KCNIP1: variants seen among roughly 807,000 people sequenced by gnomAD.
KCNIP1 encodes potassium voltage-gated channel interacting protein 1.
A neutral mutation model predicts 33.0 loss-of-function variants in KCNIP1; 18 were observed. The observed-to-expected ratio is 0.55, with a 90% confidence interval of 0.38 to 0.81. The LOEUF is 0.81. KCNIP1 is among the 30% of genes least tolerant of loss of function. The probability of loss-of-function intolerance (pLI) is 0.00; values close to 1 mark genes in which losing one functional copy is unlikely to be tolerated. For synonymous variants in KCNIP1, 93 were observed against 98.3 expected (o/e 0.95, Z 0.32); for missense variants, 238 against 271.6 (o/e 0.88, Z 0.87).
chr5:170,435,144 G>A (rs1230115071), intron 1 of KCNIP1, among the ~76,000 whole-genome samples: 1 of 152,182 alleles, frequency 6.6e-6, no homozygotes, highest in Non-Finnish European at 1.5e-5. Flanking sequence ...AGCCGGCCCT[G>A]GCCAGTTGCA....
chr5:170,563,697 A>G (rs542178429), intron 1 of KCNIP1, among the ~76,000 whole-genome samples: 1 of 152,196 alleles, frequency 6.6e-6, no homozygotes, highest in Admixed American at 6.5e-5. Flanking sequence ...CTGGAGTGCA[A>G]TGGCACAATC....
At chr5:170,464,627 G>A (rs999057735) in intron 1 of KCNIP1, among the ~76,000 whole-genome samples, 1 of 152,298 alleles carries the variant, frequency 6.6e-6, no homozygotes, top group East Asian at 1.9e-4. Context: ...AAAGAAATAT[G>A]GGGAATTGCT....
At chr5:170,529,173 A>C (rs903892855) in intron 1 of KCNIP1, among the ~76,000 whole-genome samples, 3 of 152,166 alleles carry the variant, frequency 2.0e-5, no homozygotes, top group Non-Finnish European at 2.9e-5. Flanking sequence ...TGTCGACAAG[A>C]ACCTGTTGAT....
At chr5:170,463,552 T>C (rs1756550464) in intron 1 of KCNIP1, among the ~76,000 whole-genome samples, 1 of 151,964 alleles carries the variant, frequency 6.6e-6, no homozygotes, top group African/African-American at 2.4e-5. Context: ...CATAATTCAA[T>C]AGAAAAGAGA....
chr5:170,378,832 G>A (rs565730657), intron 1 of KCNIP1: 75 of 1,614,240 alleles, frequency 4.6e-5, no homozygotes, highest in Middle Eastern at 1.7e-4. Context: ...CCGTAGAGGC[G>A]CTGGAATAGG....
At chr5:170,621,511 A>G (rs1162939590) in intron 1 of KCNIP1, among the ~76,000 whole-genome samples, 2 of 151,876 alleles carry the variant, frequency 1.3e-5, no homozygotes, top group African/African-American at 2.4e-5. Flanking sequence ...CCTCTTTATT[A>G]TTTTTATTTT....
intron 1 of KCNIP1, among the ~76,000 whole-genome samples, chr5:170,492,369 C>T (rs1257964497): frequency 3.3e-5 from 5 of 152,210 alleles, no homozygotes; most frequent in African/African-American, 4.8e-5. Context: ...GATGAGGCAT[C>T]GAGTTTCTAT....
Position 170,699,565 on chromosome 5 carries a change from A to C in KCNIP1, c.62-19193A>C, listed in dbSNP as rs112468865. 3.5e-3 allele frequency among the ~76,000 whole-genome samples: 537 copies of C among 151,978 alleles called. 3 individuals carry two copies. The highest frequency in any genetic ancestry group is 0.012 in the African/African-American group (491 of 41,448). ...AATTAAATTGCTCTGTGAAAAAAAAAAAAAAAAAAAAAAGTTTTACAGTCC... is the reference window on the plus strand; with the variant it reads ...AATTAAATTGCTCTGTGAAAAAAAACAAAAAAAAAAAAAGTTTTACAGTCC... On this transcript the variant is annotated intron_variant, in intron 1 of 7. Coordinates refer to ENST00000328939, the MANE Select transcript of KCNIP1 (RefSeq NM_014592.4).
intron 1 of KCNIP1, chr5:170,385,483 G>A (rs190711491): frequency 6.2e-7 from 1 of 1,613,532 alleles, no homozygotes. Context: ...TAGGTCCACA[G>A]AAGCAAACAG....
At chr5:170,656,992 C>CTTTTTTTTTT (rs11397076) in intron 1 of KCNIP1, among the ~76,000 whole-genome samples, 3 of 116,440 alleles carry the variant, frequency 2.6e-5, no homozygotes, top group African/African-American at 7.2e-5. Context: ...TTTTTTCTTT[C>CTTTTTTTTTT]TTTCTTTTTT....
At position 170,568,648 on chromosome 5, in the gene KCNIP1, T is replaced by TAAAAAAAAAAAAAAAAAAAAAAAAAAAAA. The variant is rs33992187; in HGVS notation, c.61+64040_61+64041insAAAAAAAAAAAAAAAAAAAAAAAAAAAAA. ...CGAACATGGTGAAACCCGTTTCTACTAAAAAAAAAAAAAAAAAAAAAAAAA... is the reference window on the plus strand; with the variant it reads ...CGAACATGGTGAAACCCGTTTCTACTAAAAAAAAAAAAAAAAAAAAAAAAAAAAAAAAAAAAAAAAAAAAAAAAAAAAAA... On this transcript the variant is annotated intron_variant, in intron 1 of 7. Transcript: ENST00000328939. Among the ~76,000 whole-genome samples the TAAAAAAAAAAAAAAAAAAAAAAAAAAAAA allele has an allele frequency of 9.2e-5, 4 of 43,712 alleles. 1 individual carries two copies. Among genetic ancestry groups the TAAAAAAAAAAAAAAAAAAAAAAAAAAAAA allele is most frequent in the Admixed American group, 4.4e-4 (1 of 2,256 alleles). The allele number at this position is 43,712 out of a possible 152,430, so 28.7% of individuals were successfully genotyped here. A position where few individuals can be genotyped will look rare whatever the true frequency, so the allele number is the denominator to read the frequency against.
intron 1 of KCNIP1, among the ~76,000 whole-genome samples, chr5:170,396,767 G>A (rs1754772688): frequency 6.6e-6 from 1 of 152,162 alleles, no homozygotes; most frequent in South Asian, 2.1e-4. Context: ...CCAGGTAGCA[G>A]GCTTCAGAAA....
chr5:170,688,766 T>A (rs1361425618), intron 1 of KCNIP1, among the ~76,000 whole-genome samples: 1 of 152,166 alleles, frequency 6.6e-6, no homozygotes, highest in Non-Finnish European at 1.5e-5. Flanking sequence ...GCCCTAAGAT[T>A]TTTCCATGGG....
intron 1 of KCNIP1, among the ~76,000 whole-genome samples, chr5:170,455,301 C>T (rs71605763): frequency 1.3e-5 from 2 of 152,122 alleles, no homozygotes; most frequent in South Asian, 2.1e-4. Context: ...CCTTCCCCTT[C>T]CCCTTCCCCT....
chr5:170,652,176 A>G (rs1761068200), intron 1 of KCNIP1, among the ~76,000 whole-genome samples: 1 of 152,006 alleles, frequency 6.6e-6, no homozygotes, highest in South Asian at 2.1e-4. Flanking sequence ...AGGAGCTTCT[A>G]ATGGCCAAGA....
intron 1 of KCNIP1, among the ~76,000 whole-genome samples, chr5:170,614,483 CCCAA>C (rs1189006302): frequency 6.6e-6 from 1 of 152,184 alleles, no homozygotes; most frequent in Non-Finnish European, 1.5e-5. Flanking sequence ...TCTTAATCAC[CCCAA>C]CCAACCATGA....
rs376418651 is a variant in KCNIP1, at chr5:170,385,341, G to A, written c.88+31377G>A. On this transcript the variant is annotated intron_variant, in intron 1 of 7. Coordinates refer to the KCNIP1 transcript ENST00000377360. ...TTTCTGGTAGAGGGGCAGCACAGTC[G>A]TGACCAGGATGTAGTAGGTGATGAC... is the stretch of plus-strand genomic sequence containing the variant. 47 of 1,614,134 alleles carry A rather than the reference G, an allele frequency of 2.9e-5. 1 individual carries two copies. In the Middle Eastern group the frequency reaches 6.6e-4, roughly 23 times the overall value.
intron 1 of KCNIP1, among the ~76,000 whole-genome samples, chr5:170,562,992 G>C (rs1252328886): frequency 6.6e-6 from 1 of 152,188 alleles, no homozygotes; most frequent in Admixed American, 6.5e-5. Flanking sequence ...CTGCAACTTT[G>C]GTAGCAAGAG....
At chr5:170,523,070 C>CAT (rs1561666492) in intron 1 of KCNIP1, among the ~76,000 whole-genome samples, 1 of 152,158 alleles carries the variant, frequency 6.6e-6, no homozygotes, top group East Asian at 1.9e-4. Flanking sequence ...CTCTCTAGGT[C>CAT]ATAAATAGGG....
Sources: allele counts gnomAD v4.1 joint callset (sites outside exome capture counted in the v4.1 genomes callset), GRCh38; gene constraint gnomAD v4.1.1; transcripts MANE v1.5; gene names NCBI Gene and HGNC (gene_info 2026-07-23, HGNC 2026-07-21).